The following ITPK1 variants were observed in gnomAD, a reference collection of about 807,000 sequenced individuals.
ITPK1 encodes inositol 1,3,4-trisphosphate 5/6-kinase.
ITPK1 carries 21 observed loss-of-function variants against 45.3 expected under a neutral mutation model. The ratio of observed to expected loss-of-function variants is 0.46; its 90% confidence interval spans 0.33 to 0.67. The LOEUF (loss-of-function observed/expected upper bound fraction) is 0.67. ITPK1 is among the 30% of genes least tolerant of loss of function. The pLI is 0.02. For synonymous variants in ITPK1, 258 were observed against 253.6 expected, an observed-to-expected ratio of 1.02 and a Z score of -0.16; for missense variants, 474 against 573.5, an observed-to-expected ratio of 0.83 and a Z score of 1.77.
chr14:92,956,286 A>AT (rs895442440), intron 8 of ITPK1, among the ~76,000 whole-genome samples: 1 of 150,776 alleles, frequency 6.6e-6, no homozygotes, highest in Admixed American at 6.6e-5. Flanking sequence ...TGCCCAGGTA[A>AT]TTTTTTAATT....
chr14:93,098,452 G>A (rs945855566), intron 2 of ITPK1, among the ~76,000 whole-genome samples: 4 of 131,842 alleles, frequency 3.0e-5, no homozygotes, highest in African/African-American at 1.3e-4. Context: ...GCGAGATTCC[G>A]TCTCAAAAAA....
chr14:92,998,735 G>A (rs1290827817), intron 4 of ITPK1, among the ~76,000 whole-genome samples: 1 of 152,170 alleles, frequency 6.6e-6, no homozygotes, highest in Admixed American at 6.5e-5. Flanking sequence ...GCACCCCTAA[G>A]TGTGCCAGAA....
rs1453191146 is a variant in ITPK1, at chr14:92,938,182, T to G, written c.*3379A>C. Reference sequence around the variant, plus strand: ...ACCATGTTGGCCAGGATGGTGTCGATCTCTTGACCTTGTGATCCACCTGCC... The same window carrying G: ...ACCATGTTGGCCAGGATGGTGTCGAGCTCTTGACCTTGTGATCCACCTGCC... On this transcript the variant is annotated 3_prime_UTR_variant, in exon 11 of 11. Transcript: ENST00000267615. The G allele has an allele frequency of 4.1e-6, 2 of 488,788 alleles. No homozygotes were observed. The highest frequency in any genetic ancestry group is 7.3e-6 in the Non-Finnish European group (2 of 274,640). 30.3% of individuals were successfully genotyped at this position (488,788 alleles called of 1,614,324 possible). A position where few individuals can be genotyped will look rare whatever the true frequency, so the allele number is the denominator to read the frequency against.
At chr14:92,982,815 G>A (rs1053904863) in intron 5 of ITPK1, among the ~76,000 whole-genome samples, 8 of 152,180 alleles carry the variant, frequency 5.3e-5, no homozygotes, top group Admixed American at 3.3e-4. Flanking sequence ...GGGGCATTTC[G>A]CCAGTGGCCA....
chr14:93,000,493 C>A (rs1887280696), intron 4 of ITPK1, among the ~76,000 whole-genome samples: 1 of 152,180 alleles, frequency 6.6e-6, no homozygotes, highest in Non-Finnish European at 1.5e-5. Context: ...TTCTGAGAGG[C>A]AATGTGACTG....
chr14:92,996,273 C>A (rs1365183985), intron 4 of ITPK1, among the ~76,000 whole-genome samples: 1 of 152,146 alleles, frequency 6.6e-6, no homozygotes, highest in Non-Finnish European at 1.5e-5. Context: ...AAATAAATGT[C>A]AACATTAAAA....
chr14:93,045,385 T>TGGA (rs1188648976), intron 3 of ITPK1, among the ~76,000 whole-genome samples: 1 of 152,212 alleles, frequency 6.6e-6, no homozygotes, highest in Admixed American at 6.5e-5. Context: ...ACTGAGAGGC[T>TGGA]GGAAGTAGGC....
At position 93,032,914 on chromosome 14, in the gene ITPK1, G is replaced by T. The variant is rs59035605; in HGVS notation, c.121-16113C>A. Reference sequence around the variant, plus strand: ...GCAAAGCCAGCCCTTTTCTCTAGGGGGTGAGCCCTTTAGCAAAGGAGCTGG... The same window carrying T: ...GCAAAGCCAGCCCTTTTCTCTAGGGTGTGAGCCCTTTAGCAAAGGAGCTGG... On this transcript the variant is annotated intron_variant, in intron 3 of 10. Transcript: ENST00000267615. The surrounding 1 kb of genome is among the most constrained non-coding windows in gnomAD (Gnocchi z 4.0). Among the ~76,000 whole-genome samples the T allele has an allele frequency of 1.2e-4, 18 of 152,306 alleles. No homozygotes were observed. Among genetic ancestry groups the T allele is most frequent in the African/African-American group, 4.3e-4 (18 of 41,562 alleles).
chr14:92,952,075 A>G (rs373922511), intron 8 of ITPK1, 62 bp from the exon 9 acceptor site: 180 of 1,297,478 alleles, frequency 1.4e-4, no homozygotes, highest in Non-Finnish European at 1.9e-4. Context: ...CACTGCCGCC[A>G]CCTGACACCA....
Position 92,941,180 on chromosome 14 carries a change from C to A in ITPK1, c.*381G>T. The A allele has an allele frequency of 8.1e-7, 1 of 1,236,046 alleles. No homozygotes were observed. Among genetic ancestry groups the A allele is most frequent in the South Asian group, 1.6e-5 (1 of 62,150 alleles). 76.6% of individuals were successfully genotyped at this position (1,236,046 alleles called of 1,614,324 possible). On this transcript the variant is annotated 3_prime_UTR_variant, in exon 11 of 11. Coordinates refer to ENST00000267615, the MANE Select transcript of ITPK1 (RefSeq NM_014216.6). The stretch of plus-strand genomic sequence containing the variant: ...CAGCCCGACATGGGCAGGCTTCCCC[C>A]AAGGGTCCCGGTCCACAGTGGCCAT...
chr14:93,106,446 T>C lies in ITPK1; in HGVS notation c.95+8623A>G, dbSNP rs527926777. On this transcript the variant is annotated intron_variant, in intron 2 of 10. Transcript: ENST00000267615. ...CAATCCACATGGAACCCAGGGCTTA[T>C]GGCAGAGGCTTATAAGGCTTATGGT... Among the ~76,000 whole-genome samples the C allele has an allele frequency of 9.2e-5, 14 of 152,312 alleles. No individual in the cohort carries two copies. The South Asian group carries it at 2.3e-3, about 25-fold the overall frequency.
intron 2 of ITPK1, among the ~76,000 whole-genome samples, chr14:93,109,780 G>A (rs1892670587): frequency 6.6e-6 from 1 of 152,166 alleles, no homozygotes; most frequent in South Asian, 2.1e-4. Flanking sequence ...CCACTGAACA[G>A]TTTCAAATCC....
chr14:93,010,550 T>C (rs1317171815), intron 4 of ITPK1, among the ~76,000 whole-genome samples: 1 of 152,242 alleles, frequency 6.6e-6, no homozygotes, highest in Non-Finnish European at 1.5e-5. Context: ...TGAGTCCCTC[T>C]GACCCCCACC....
intron 3 of ITPK1, among the ~76,000 whole-genome samples, chr14:93,058,686 T>A (rs986640185): frequency 2.1e-3 from 1 of 476 alleles, no homozygotes; most frequent in Non-Finnish European, 3.4e-3. Flanking sequence ...GGTTATGAGG[T>A]GGGGTGGAGG....
chr14:92,957,650 T>C (rs1884813101), intron 8 of ITPK1, among the ~76,000 whole-genome samples: 2 of 152,188 alleles, frequency 1.3e-5, no homozygotes. Context: ...ACACGCTCAC[T>C]GGCACGGTAG....
At chr14:93,094,595 A>G (rs977758020) in intron 2 of ITPK1, among the ~76,000 whole-genome samples, 1 of 152,130 alleles carries the variant, frequency 6.6e-6, no homozygotes, top group African/African-American at 2.4e-5. Flanking sequence ...GCGGAAGCTT[A>G]GGGACACTCA....
chr14:93,046,913 C>A (rs1323542286), intron 3 of ITPK1, among the ~76,000 whole-genome samples: 1 of 152,190 alleles, frequency 6.6e-6, no homozygotes, highest in African/African-American at 2.4e-5. Context: ...ATGCTCCAGC[C>A]CAGAGCAGGC....
chr14:92,997,339 G>A (rs1595122225), intron 4 of ITPK1, among the ~76,000 whole-genome samples: 1 of 152,332 alleles, frequency 6.6e-6, no homozygotes, highest in Non-Finnish European at 1.5e-5. Flanking sequence ...AAGACATGAA[G>A]TTAAGCCAAA....
chr14:93,014,424 C>T lies in ITPK1; in HGVS notation c.246+2252G>A, dbSNP rs78438294. On this transcript the variant is annotated intron_variant, in intron 4 of 10. Transcript: ENST00000267615. This position sits in a 1 kb window ranked among gnomAD's most constrained non-coding sequence, Gnocchi z 4.4. Reference sequence around the variant, plus strand: ...CTTGGGAGCAGATGTTCCAGAACTCCGGGCCCAGGCTAGCTGGGAGATGTG... The same window carrying T: ...CTTGGGAGCAGATGTTCCAGAACTCTGGGCCCAGGCTAGCTGGGAGATGTG... 1.8e-3 allele frequency among the ~76,000 whole-genome samples: 276 copies of T among 152,258 alleles called. 2 individuals are homozygous for T. Among genetic ancestry groups the T allele is most frequent in the African/African-American group, 6.4e-3 (264 of 41,548 alleles).
Sources: allele counts gnomAD v4.1 joint callset (sites outside exome capture counted in the v4.1 genomes callset), GRCh38; gene constraint gnomAD v4.1.1; non-coding constraint Gnocchi (gnomAD v3.1); transcripts MANE v1.5; gene names NCBI Gene and HGNC (gene_info 2026-07-23, HGNC 2026-07-21).